PLCG2: variants seen among roughly 807,000 people sequenced by gnomAD.
PLCG2 encodes the protein 1-phosphatidylinositol 4,5-bisphosphate phosphodiesterase gamma-2.
In PLCG2, 69 loss-of-function variants were observed where a neutral mutation model predicts 175.6. The ratio of observed to expected loss-of-function variants is 0.39; its 90% CI spans 0.32 to 0.48. The LOEUF (loss-of-function observed/expected upper bound fraction) is 0.48. PLCG2 is among the 20% of genes least tolerant of loss of function. The pLI, the probability that PLCG2 is intolerant of heterozygous loss-of-function variation, is 0.91. For missense variants in PLCG2, 1,798 were observed against 1,650.9 expected (o/e 1.09, Z -1.54); for synonymous variants, 827 against 624.0 (o/e 1.33, Z -4.85).
At chr16:81,810,641 T>C (rs1904309737) in intron 2 of PLCG2, among the ~76,000 whole-genome samples, 1 of 51,386 alleles carries the variant, frequency 1.9e-5, no homozygotes, top group Admixed American at 2.9e-4. Flanking sequence ...CTGCAATTTC[T>C]TTCTTTTTAT....
chr16:81,835,911 A>T (rs982372512), intron 2 of PLCG2, among the ~76,000 whole-genome samples: 1 of 151,980 alleles, frequency 6.6e-6, no homozygotes, highest in African/African-American at 2.4e-5. Flanking sequence ...TCTCTGTCCA[A>T]ATTTCCCTCT....
intron 2 of PLCG2, among the ~76,000 whole-genome samples, chr16:81,805,512 A>C (rs1367135744): frequency 2.0e-5 from 3 of 150,852 alleles, no homozygotes; most frequent in Non-Finnish European, 3.0e-5. Context: ...AAAAAAAAAA[A>C]AAAAAACAAA....
intron 2 of PLCG2, among the ~76,000 whole-genome samples, chr16:81,800,353 C>A (rs1046959293): frequency 1.3e-5 from 2 of 152,168 alleles, no homozygotes; most frequent in African/African-American, 4.8e-5. Context: ...TATTCTGATG[C>A]TCTCCTCCAT....
chr16:81,786,189 A>G lies in PLCG2; in HGVS notation c.193+7A>G. 1 of 1,612,104 alleles carries G rather than the reference A, an allele frequency of 6.2e-7. No individual in the cohort carries two copies. The highest frequency in any genetic ancestry group is 1.3e-5 in the African/African-American group (1 of 75,000). On this transcript the variant is annotated splice_region_variant and intron_variant, in intron 2 of 32. Coordinates refer to ENST00000564138, the MANE Select transcript of PLCG2 (RefSeq NM_002661.5). Reference sequence around the variant, plus strand: ...GACAAGATCGAGGGCTTCTGTGAGTACTCGCTGGGTGGGGCAGTGTGGCCC... The same window carrying G: ...GACAAGATCGAGGGCTTCTGTGAGTGCTCGCTGGGTGGGGCAGTGTGGCCC...
At chr16:81,900,874 T>G (rs193217393) in intron 14 of PLCG2, 94 bp downstream of exon 14, 13 of 1,158,290 alleles carry the variant, frequency 1.1e-5, no homozygotes, top group South Asian at 4.4e-5. Context: ...TATGTCCTAC[T>G]GGGCCTGCTC....
At chr16:81,803,986 T>G (rs1911879162) in intron 2 of PLCG2, among the ~76,000 whole-genome samples, 1 of 152,222 alleles carries the variant, frequency 6.6e-6, no homozygotes, top group South Asian at 2.1e-4. Context: ...TGGACTCTTT[T>G]TGGTTATTGT....
chr16:81,828,702 C>T (rs1905141805), intron 2 of PLCG2, among the ~76,000 whole-genome samples: 1 of 152,140 alleles, frequency 6.6e-6, no homozygotes, highest in Non-Finnish European at 1.5e-5. Context: ...ACTCAGTTTC[C>T]TCATATAGAA....
intron 31 of PLCG2, among the ~76,000 whole-genome samples, chr16:81,954,137 C>G (rs1451163779): frequency 2.0e-5 from 3 of 152,094 alleles, no homozygotes; most frequent in Non-Finnish European, 4.4e-5. Flanking sequence ...ATCTTACCCT[C>G]TCAGCCTCCT....
intron 6 of PLCG2, among the ~76,000 whole-genome samples, chr16:81,869,558 A>G (rs1254281622): frequency 2.0e-5 from 3 of 152,198 alleles, no homozygotes; most frequent in Non-Finnish European, 4.4e-5. Context: ...CCTGTTTTCC[A>G]TTAGTCCAGC....
chr16:81,871,836 C>T (rs1320361020), intron 7 of PLCG2, among the ~76,000 whole-genome samples: 1 of 130,362 alleles, frequency 7.7e-6, no homozygotes, highest in Non-Finnish European at 1.7e-5. Context: ...TGGCAAAGTA[C>T]CTGGGCACCA....
At chr16:81,880,369 G>C (rs919985241) in intron 7 of PLCG2, among the ~76,000 whole-genome samples, 1 of 152,164 alleles carries the variant, frequency 6.6e-6, no homozygotes, top group African/African-American at 2.4e-5. Context: ...CTGTGTCTAC[G>C]CGCTTTTCCT....
intron 7 of PLCG2, among the ~76,000 whole-genome samples, chr16:81,875,057 G>A (rs1230776244): frequency 2.0e-5 from 3 of 149,072 alleles, no homozygotes; most frequent in African/African-American, 7.5e-5. Flanking sequence ...TCTTCCTTCC[G>A]GGTTCAAGCG....
chr16:81,933,297 C>G (rs932492931), intron 25 of PLCG2, among the ~76,000 whole-genome samples: 56 of 152,264 alleles, frequency 3.7e-4, no homozygotes, highest in African/African-American at 1.3e-3. Context: ...ACCCCTTTTG[C>G]GGAGCTGGTG....
intron 9 of PLCG2, among the ~76,000 whole-genome samples, chr16:81,883,873 G>T (rs929783040): frequency 6.6e-6 from 1 of 152,226 alleles, no homozygotes. Context: ...CTCAAGGGGG[G>T]GTTGTGTTGC....
At chr16:81,855,394 A>C (rs768571793) in intron 3 of PLCG2, among the ~76,000 whole-genome samples, 1 of 152,200 alleles carries the variant, frequency 6.6e-6, no homozygotes, top group African/African-American at 2.4e-5. Flanking sequence ...ACTTAGAAGT[A>C]TATGTATATT....
chr16:81,827,751 AGTTGGAAAT>A (rs758527435), intron 2 of PLCG2, among the ~76,000 whole-genome samples: 2 of 152,060 alleles, frequency 1.3e-5, no homozygotes, highest in African/African-American at 2.4e-5. Context: ...ACAGATCTGC[AGTTGGAAAT>A]GTAGGTTGTT....
chr16:81,868,408 C>G (rs1406553503), intron 5 of PLCG2, among the ~76,000 whole-genome samples: 1 of 152,162 alleles, frequency 6.6e-6, no homozygotes. Context: ...GGGGTCCCCA[C>G]TTACTCTGCA....
chr16:81,751,244 G>T (rs1174857593), intron 1 of PLCG2, among the ~76,000 whole-genome samples: 1 of 152,140 alleles, frequency 6.6e-6, no homozygotes, highest in African/African-American at 2.4e-5. Context: ...GCCTCCCATA[G>T]TGCTGGGATT....
chr16:81,785,738 C>G, intron 1 of PLCG2: 2 of 393,950 alleles, frequency 5.1e-6, no homozygotes, highest in Non-Finnish European at 4.6e-6. Flanking sequence ...AGGTCAGGGG[C>G]TCTTCTCACA....
Sources: allele counts gnomAD v4.1 joint callset (sites outside exome capture counted in the v4.1 genomes callset), GRCh38; gene constraint gnomAD v4.1.1; transcripts MANE v1.5; gene names NCBI Gene and HGNC (gene_info 2026-07-23, HGNC 2026-07-21).